FBXW8: variants seen among roughly 807,000 people sequenced by gnomAD.
FBXW8 encodes the protein F-box/WD repeat-containing protein 8.
A neutral mutation model predicts 65.3 loss-of-function variants in FBXW8; 57 were observed. That is an observed-to-expected ratio of 0.87 (90% confidence interval 0.71 to 1.09). The LOEUF is 1.09. Among genes scored for constraint, FBXW8 ranks in the 50% least tolerant of loss-of-function variants. The probability of loss-of-function intolerance (pLI) is 0.00; values close to 1 mark genes in which losing one functional copy is unlikely to be tolerated. For synonymous variants in FBXW8, 308 were observed against 330.2 expected, an observed-to-expected ratio of 0.93 and a Z score of 0.73; for missense variants, 777 against 814.8, an observed-to-expected ratio of 0.95 and a Z score of 0.57.
intron 2 of FBXW8, among the ~76,000 whole-genome samples, chr12:116,931,856 T>G (rs1398987344): frequency 6.6e-6 from 1 of 152,120 alleles, no homozygotes; most frequent in African/African-American, 2.4e-5. Flanking sequence ...TTCTGTTGCC[T>G]AATTGCTGTG....
intron 8 of FBXW8, among the ~76,000 whole-genome samples, chr12:117,016,745 A>G (rs188993520): frequency 1.8e-3 from 272 of 152,220 alleles, no homozygotes; most frequent in Non-Finnish European, 2.9e-3. Flanking sequence ...GTTTTCTTCA[A>G]AGGGTTTTAT....
intron 3 of FBXW8, among the ~76,000 whole-genome samples, chr12:116,948,123 A>G (rs1476888833): frequency 5.3e-5 from 8 of 152,246 alleles, no homozygotes; most frequent in African/African-American, 1.7e-4. Context: ...CTGCAAATGC[A>G]TGAAGTTATC....
chr12:116,954,521 T>C (rs1883512965), intron 4 of FBXW8, among the ~76,000 whole-genome samples: 1 of 152,182 alleles, frequency 6.6e-6, no homozygotes, highest in Admixed American at 6.5e-5. Flanking sequence ...TGCAAATTTT[T>C]CTCCTTTTTA....
At chr12:116,987,493 T>G (rs1420033976) in intron 6 of FBXW8, among the ~76,000 whole-genome samples, 2 of 152,202 alleles carry the variant, frequency 1.3e-5, no homozygotes, top group African/African-American at 2.4e-5. Context: ...CAGTCAGGAC[T>G]GGGGAGCGGG....
chr12:116,957,883 C>T (rs570580364), intron 4 of FBXW8, among the ~76,000 whole-genome samples: 29 of 152,280 alleles, frequency 1.9e-4, no homozygotes, highest in African/African-American at 6.5e-4. Flanking sequence ...TGATAAGTGA[C>T]TAGAGGAGAG....
At chr12:116,976,424 C>T (rs1269280491) in intron 5 of FBXW8, among the ~76,000 whole-genome samples, 3 of 116,622 alleles carry the variant, frequency 2.6e-5, no homozygotes, top group Admixed American at 8.9e-5. Flanking sequence ...AGTACCTAAT[C>T]TTTGGTATTT....
intron 7 of FBXW8, among the ~76,000 whole-genome samples, chr12:117,001,245 C>T (rs1199722580): frequency 1.3e-5 from 2 of 152,076 alleles, no homozygotes; most frequent in Non-Finnish European, 2.9e-5. Context: ...GGGGGGAGCC[C>T]CTGGGTGGAC....
chr12:116,915,153 G>A (rs985722954), intron 1 of FBXW8, among the ~76,000 whole-genome samples: 5 of 152,322 alleles, frequency 3.3e-5, no homozygotes, highest in African/African-American at 9.6e-5. Context: ...TTGGATTCCT[G>A]TGTCAGTGGT....
chr12:117,029,214 A>G lies in FBXW8; in HGVS notation c.*1042A>G, dbSNP rs547699457. On this transcript the variant is annotated 3_prime_UTR_variant, in exon 11 of 11. Coordinates refer to ENST00000652555, the MANE Select transcript of FBXW8 (RefSeq NM_153348.3). ...GCTCAGATGCACAAAGATTCACACC[A>G]TACAGGCCAAATTATAGAATCCCCC... 4 of 152,442 alleles carry G rather than the reference A, an allele frequency of 2.6e-5. No individual in the cohort carries two copies. Among genetic ancestry groups the G allele is most frequent in the African/African-American group, 9.6e-5 (4 of 41,580 alleles). 9.4% of individuals were successfully genotyped at this position (152,442 alleles called of 1,614,324 possible).
chr12:117,025,770 A>T (rs923499057), intron 9 of FBXW8, among the ~76,000 whole-genome samples: 6 of 152,196 alleles, frequency 3.9e-5, no homozygotes, highest in African/African-American at 1.4e-4. Context: ...AATTCCCGGA[A>T]GCATTGCCTT....
Position 116,988,765 on chromosome 12 carries a change from A to G in FBXW8, c.1135A>G (p.Thr379Ala), listed in dbSNP as rs763321710. Reference sequence around the variant, plus strand: ...GCTCAAAGCCGAAGACTCCGCCAGAACCCTCCTTTACGCCCACGGCCCGCC... The same window carrying G: ...GCTCAAAGCCGAAGACTCCGCCAGAGCCCTCCTTTACGCCCACGGCCCGCC... ...YLLKAEDSAR[T>A]LLYAHGPPVT... is the part of the protein sequence containing the mutation. The change falls in exon 7 of 11, where the codon ACC becomes GCC. Residue 379 changes from threonine to alanine, a missense_variant. By Grantham distance (58) the Thr-to-Ala change is moderately conservative (BLOSUM62 0). Coordinates refer to ENST00000652555, the MANE Select transcript of FBXW8 (RefSeq NM_153348.3). The G allele has an allele frequency of 6.2e-7, 1 of 1,613,992 alleles. No individual in the cohort carries two copies. The highest frequency in any genetic ancestry group is 1.1e-5 in the South Asian group (1 of 91,064).
chr12:116,951,944 A>G (rs1267591966), intron 4 of FBXW8, among the ~76,000 whole-genome samples: 1 of 152,178 alleles, frequency 6.6e-6, no homozygotes, highest in Admixed American at 6.5e-5. Flanking sequence ...AAAGCATTTG[A>G]TTGTTCACTC....
At chr12:116,943,565 G>A (rs559471764) in intron 2 of FBXW8, among the ~76,000 whole-genome samples, 3 of 152,112 alleles carry the variant, frequency 2.0e-5, no homozygotes, top group Non-Finnish European at 4.4e-5. Flanking sequence ...TCTGTATATT[G>A]GGGTACTGCT....
At chr12:116,957,316 C>T (rs1428551167) in intron 4 of FBXW8, among the ~76,000 whole-genome samples, 1 of 152,186 alleles carries the variant, frequency 6.6e-6, no homozygotes, top group Non-Finnish European at 1.5e-5. Context: ...CACTGCACTC[C>T]AGCTTGGTGA....
chr12:116,979,996 T>A (rs1216494227), intron 5 of FBXW8, among the ~76,000 whole-genome samples: 1 of 152,056 alleles, frequency 6.6e-6, no homozygotes, highest in Non-Finnish European at 1.5e-5. Context: ...TGAGTTAGTC[T>A]TTTGGCCTCA....
At chr12:116,976,715 C>T (rs1236998872) in intron 5 of FBXW8, among the ~76,000 whole-genome samples, 1 of 151,714 alleles carries the variant, frequency 6.6e-6, no homozygotes, top group African/African-American at 2.4e-5. Context: ...ATCTGCCCTC[C>T]CTCAGCCTCC....
chr12:116,932,239 A>T (rs1324291884), intron 2 of FBXW8, among the ~76,000 whole-genome samples: 1 of 152,200 alleles, frequency 6.6e-6, no homozygotes, highest in Non-Finnish European at 1.5e-5. Flanking sequence ...ACACTGGAGT[A>T]TCCATTCTCC....
chr12:116,920,713 C>T (rs941066136), intron 1 of FBXW8, among the ~76,000 whole-genome samples: 9 of 152,200 alleles, frequency 5.9e-5, no homozygotes, highest in South Asian at 4.2e-4. Context: ...GACCAGGACC[C>T]GCACTTAGTT....
At chr12:116,921,602 A>T (rs1483892153) in intron 1 of FBXW8, among the ~76,000 whole-genome samples, 1 of 151,742 alleles carries the variant, frequency 6.6e-6, no homozygotes, top group Non-Finnish European at 1.5e-5. Context: ...TGCTAACAGC[A>T]CCTCCCTCCC....
Sources: allele counts gnomAD v4.1 joint callset (sites outside exome capture counted in the v4.1 genomes callset), GRCh38; gene constraint gnomAD v4.1.1; transcripts MANE v1.5; gene names NCBI Gene and HGNC (gene_info 2026-07-23, HGNC 2026-07-21).